GTF2A1L: variants seen among roughly 807,000 people sequenced by gnomAD.
The protein encoded by GTF2A1L is TFIIA-alpha and beta-like factor.
Under a neutral mutation model 49.7 loss-of-function variants are expected in GTF2A1L, and 48 were observed. The ratio of observed to expected loss-of-function variants is 0.97; its 90% CI spans 0.77 to 1.23. The LOEUF is 1.23. GTF2A1L is among the 50% of genes most tolerant of loss of function. The pLI is 0.00. For missense variants in GTF2A1L, 736 were observed against 564.8 expected (o/e 1.30, Z -3.07); for synonymous variants, 246 against 193.5 (o/e 1.27, Z -2.25).
intron 6 of GTF2A1L, among the ~76,000 whole-genome samples, chr2:48,661,913 G>A (rs1444390446): frequency 2.0e-5 from 3 of 151,968 alleles, no homozygotes; most frequent in Admixed American, 1.3e-4. Context: ...ATTACTGATC[G>A]GAAAGAACTA....
chr2:48,662,821 A>C (rs1389236008), intron 6 of GTF2A1L, among the ~76,000 whole-genome samples: 1 of 152,122 alleles, frequency 6.6e-6, no homozygotes, highest in Non-Finnish European at 1.5e-5. Context: ...ATTTATTTCC[A>C]ACTACCACAT....
intron 7 of GTF2A1L, 87 bp from the exon 8 acceptor site, chr2:48,671,504 A>C: frequency 7.1e-7 from 1 of 1,402,832 alleles, no homozygotes; most frequent in Non-Finnish European, 9.7e-7. Flanking sequence ...ACGCCGAGAC[A>C]AGTTCCTTTA....
At chr2:48,655,682 A>G (rs151025051) in intron 6 of GTF2A1L, among the ~76,000 whole-genome samples, 19 of 152,342 alleles carry the variant, frequency 1.2e-4, no homozygotes, top group Non-Finnish European at 2.2e-4. Flanking sequence ...GCTAAAGTAC[A>G]CATAAAATTA....
Position 48,630,320 on chromosome 2 carries a change from A to G in GTF2A1L, c.247+9030A>G, listed in dbSNP as rs571469086. ...AGCAGTGTTTTGTAGTTCTCCTTGT[A>G]GAGATCTTTCCCTTCCTTGAGTAGA... On this transcript the variant is annotated intron_variant, in intron 3 of 8. Coordinates refer to ENST00000403751, the MANE Select transcript of GTF2A1L (RefSeq NM_006872.5). 3.6e-3 allele frequency among the ~76,000 whole-genome samples: 517 copies of G among 143,922 alleles called. 86 individuals carry two copies. The highest frequency in any genetic ancestry group is 5.8e-3 in the Non-Finnish European group (374 of 63,940). 94.4% of individuals were successfully genotyped at this position (143,922 alleles called of 152,430 possible). A position where few individuals can be genotyped will look rare whatever the true frequency, so the allele number is the denominator to read the frequency against.
chr2:48,669,999 A>G lies in GTF2A1L; in HGVS notation c.1239+17A>G, dbSNP rs887721172. 1.3e-5 allele frequency: 20 copies of G among 1,589,034 alleles called. No individual in the cohort carries two copies. In the East Asian group the frequency reaches 4.5e-4, roughly 36 times the overall value. On this transcript the variant is annotated intron_variant, in intron 7 of 8. Coordinates refer to ENST00000403751, the MANE Select transcript of GTF2A1L (RefSeq NM_006872.5). ...GTAGAAGAGGTGAGGATGACTTTTG[A>G]GCTGAGACTTCCTTTATTAATTTAT...
At chr2:48,622,689 C>T (rs565759177) in intron 3 of GTF2A1L, among the ~76,000 whole-genome samples, 167 of 152,156 alleles carry the variant, frequency 1.1e-3, no homozygotes, top group African/African-American at 3.9e-3. Context: ...CAAAAATTAG[C>T]CAGGCGTGGT....
At chr2:48,623,333 T>C (rs1405486196) in intron 3 of GTF2A1L, among the ~76,000 whole-genome samples, 5 of 152,238 alleles carry the variant, frequency 3.3e-5, no homozygotes, top group African/African-American at 1.2e-4. Flanking sequence ...TGCCTTTGTC[T>C]GTACCATCTT....
At chr2:48,621,395 T>C in intron 3 of GTF2A1L, 105 bp downstream of exon 3, 1 of 1,473,042 alleles carries the variant, frequency 6.8e-7, no homozygotes, top group Admixed American at 2.1e-5. Context: ...GTGAGAAGGC[T>C]TGGACACCTA....
At chr2:48,633,598 G>T (rs913567605) in intron 3 of GTF2A1L, among the ~76,000 whole-genome samples, 9 of 152,204 alleles carry the variant, frequency 5.9e-5, no homozygotes, top group African/African-American at 1.9e-4. Flanking sequence ...GTGCAGATGA[G>T]AAAAGTATTG....
chr2:48,661,696 A>AT (rs71399072), intron 6 of GTF2A1L, among the ~76,000 whole-genome samples: 25,747 of 151,530 alleles, frequency 0.17, 2,556 homozygotes, highest in South Asian at 0.25. Context: ...CCTAAAATCC[A>AT]TTTTTTTTCT....
chr2:48,658,960 G>A (rs972808850), intron 6 of GTF2A1L, among the ~76,000 whole-genome samples: 6 of 152,156 alleles, frequency 3.9e-5, no homozygotes, highest in African/African-American at 1.2e-4. Context: ...TTAGTTTGGT[G>A]GGATATGAAA....
Position 48,659,044 on chromosome 2 carries a change from G to A in GTF2A1L, c.979-10678G>A, listed in dbSNP as rs149523652. Among the ~76,000 whole-genome samples, 26 of 152,260 alleles carry A rather than the reference G, an allele frequency of 1.7e-4. No homozygotes were observed. In the East Asian group the frequency reaches 4.6e-3, roughly 27 times the overall value. On this transcript the variant is annotated intron_variant, in intron 6 of 8. Coordinates refer to ENST00000403751, the MANE Select transcript of GTF2A1L (RefSeq NM_006872.5). The stretch of plus-strand genomic sequence containing the variant: ...ATCTCTCCTGGCTGGTAAGGTTTCT[G>A]CTGAGAAGTCTGCTGTTAATCTGAT...
At chr2:48,676,928 T>A (rs1024029348) in intron 8 of GTF2A1L, among the ~76,000 whole-genome samples, 6 of 151,438 alleles carry the variant, frequency 4.0e-5, no homozygotes, top group Non-Finnish European at 7.4e-5. Context: ...ACTTTTTATT[T>A]TTTTTTTTCC....
chr2:48,619,553 G>C (rs1003936619), intron 1 of GTF2A1L, among the ~76,000 whole-genome samples: 3 of 151,922 alleles, frequency 2.0e-5, no homozygotes, highest in African/African-American at 2.4e-5. Flanking sequence ...TATTTATTTA[G>C]TACTCTTAAT....
At chr2:48,651,067 G>C (rs955212160) in intron 6 of GTF2A1L, among the ~76,000 whole-genome samples, 7 of 152,086 alleles carry the variant, frequency 4.6e-5, no homozygotes, top group Admixed American at 6.6e-5. Flanking sequence ...ACTGGAAGCT[G>C]GATTTGGCGA....
chr2:48,620,268 A>G (rs1186464211), intron 1 of GTF2A1L, among the ~76,000 whole-genome samples: 6 of 152,242 alleles, frequency 3.9e-5, no homozygotes, highest in African/African-American at 7.2e-5. Flanking sequence ...ATAACCATGC[A>G]TCTTTGAGAT....
In GTF2A1L at chr2:48,620,902, C is replaced by G; in HGVS notation, c.73C>G (p.Leu25Val). 1.2e-6 allele frequency: 2 copies of G among 1,606,032 alleles called. No individual in the cohort carries two copies. Among genetic ancestry groups the G allele is most frequent in the Non-Finnish European group, 1.7e-6 (2 of 1,176,422 alleles). ...IEDVIEGVRN[L>V]FAEEGIEEQV... ...AGATGTAATTGAAGGAGTTCGGAAT[C>G]TATTTGCTGAAGAAGGTATAGAGGA... is the stretch of plus-strand genomic sequence containing the variant. The change falls in exon 2 of 9, where the codon CTA (leucine) becomes GTA (valine). Residue 25 changes from leucine (L) to valine (V), a missense_variant. Transcript: ENST00000403751.
At chr2:48,628,113 A>G (rs1676389590) in intron 3 of GTF2A1L, among the ~76,000 whole-genome samples, 1 of 144,100 alleles carries the variant, frequency 6.9e-6, no homozygotes, top group Admixed American at 7.1e-5. Context: ...CATTTTCTTT[A>G]TCCAATCCAC....
Position 48,639,644 on chromosome 2 carries a change from A to T in GTF2A1L, c.248-2758A>T, listed in dbSNP as rs139456228. ...CCATCTTGGACATAGGAACAGGCAA[A>T]GATTTCATGACAAAGACACCAAAAG... On this transcript the variant is annotated intron_variant, in intron 3 of 8. Coordinates refer to ENST00000403751, the MANE Select transcript of GTF2A1L (RefSeq NM_006872.5). Among the ~76,000 whole-genome samples, 966 of 152,326 alleles carry T rather than the reference A, an allele frequency of 6.3e-3. 5 individuals are homozygous for T. Among genetic ancestry groups the T allele is most frequent in the Non-Finnish European group, 0.01 (710 of 68,020 alleles).
Sources: gnomAD v4.1 joint callset for allele counts (sites outside exome capture counted in the v4.1 genomes callset) on GRCh38, gnomAD v4.1.1 for gene constraint, MANE v1.5 for transcripts, NCBI Gene and HGNC (gene_info 2026-07-23, HGNC 2026-07-21) for gene names.